TRAM1: variants seen among roughly 807,000 people sequenced by gnomAD.
The protein encoded by TRAM1 is translocation associated membrane protein 1.
TRAM1 carries 17 observed loss-of-function variants against 48.7 expected under a neutral mutation model. That is an observed-to-expected ratio of 0.35 (90% CI 0.24 to 0.52). The LOEUF (loss-of-function observed/expected upper bound fraction) is 0.52. Ranked by LOEUF, TRAM1 falls within the 20% of genes least tolerant of loss-of-function variation. The pLI, the probability that TRAM1 is intolerant of heterozygous loss-of-function variation, is 0.94. For synonymous variants in TRAM1, 182 were observed against 154.0 expected, an observed-to-expected ratio of 1.18 and a Z score of -1.34; for missense variants, 351 against 441.5, an observed-to-expected ratio of 0.79 and a Z score of 1.84.
In TRAM1 at chr8:70,586,867, C is replaced by T. The variant is rs200752264; in HGVS notation, c.746+28G>A. 6.0e-5 allele frequency: 95 copies of T among 1,585,222 alleles called. No individual in the cohort carries two copies. In the Admixed American group the frequency reaches 6.4e-4, roughly 11 times the overall value. On this transcript the variant is annotated intron_variant, in intron 8 of 10. Transcript: ENST00000262213. ...GCACTGACTTTAAATACCTAGTACA[C>T]GAGAAATAGAATGGCTAAACAACTT...
intron 1 of TRAM1, among the ~76,000 whole-genome samples, chr8:70,603,413 CTTTG>C (rs1189971235): frequency 2.0e-5 from 3 of 152,064 alleles, no homozygotes; most frequent in African/African-American, 7.2e-5. Context: ...CCTAAGAACA[CTTTG>C]TTAAAGAGTC....
intron 10 of TRAM1, among the ~76,000 whole-genome samples, chr8:70,579,101 C>G (rs1817020730): frequency 6.6e-6 from 1 of 152,222 alleles, no homozygotes; most frequent in South Asian, 2.1e-4. Flanking sequence ...AGTCATGCAT[C>G]ACTTAACAGG....
intron 10 of TRAM1, among the ~76,000 whole-genome samples, chr8:70,579,657 T>C (rs1283139052): frequency 6.6e-6 from 1 of 152,196 alleles, no homozygotes; most frequent in Admixed American, 6.5e-5. Flanking sequence ...AGAAAAAGCA[T>C]TTCTTAACAT....
chr8:70,581,277 GAAC>G (rs1728886783), intron 10 of TRAM1, among the ~76,000 whole-genome samples: 1 of 152,084 alleles, frequency 6.6e-6, no homozygotes, highest in African/African-American at 2.4e-5. Flanking sequence ...ACATAAAATA[GAAC>G]AACAACAATG....
At chr8:70,583,518 G>A (rs1406660855) in intron 9 of TRAM1, 132 bp downstream of exon 9, 2 of 1,347,298 alleles carry the variant, frequency 1.5e-6, no homozygotes, top group Non-Finnish European at 2.0e-6. Context: ...ATAGCAACGG[G>A]TATGAAATAA....
chr8:70,584,160 A>G (rs183146189), intron 8 of TRAM1, among the ~76,000 whole-genome samples: 194 of 152,318 alleles, frequency 1.3e-3, no homozygotes, highest in African/African-American at 4.2e-3. Context: ...TATAACACAT[A>G]TTAGCCTATT....
At chr8:70,588,084 T>C (rs2132032625) in intron 6 of TRAM1, among the ~76,000 whole-genome samples, 1 of 152,150 alleles carries the variant, frequency 6.6e-6, no homozygotes, top group Middle Eastern at 3.4e-3. Context: ...CGTGGTGGTA[T>C]GCAACTGTAG....
intron 5 of TRAM1, among the ~76,000 whole-genome samples, chr8:70,595,254 CCTT>C (rs926068805): frequency 5.3e-5 from 8 of 151,906 alleles, no homozygotes; most frequent in South Asian, 4.2e-4. Context: ...TCTCCCTGCT[CCTT>C]CTCCTCCAGA....
chr8:70,594,677 T>C (rs1336492572), intron 5 of TRAM1, 87 bp from the exon 6 acceptor site: 3 of 1,014,720 alleles, frequency 3.0e-6, no homozygotes, highest in Non-Finnish European at 4.3e-6. Flanking sequence ...CAGGATATAC[T>C]AAGTAACTAC....
rs75232558 is a variant in TRAM1, at chr8:70,601,593, T to G, written c.124-1511A>C. On this transcript the variant is annotated intron_variant, in intron 1 of 10. Coordinates refer to ENST00000262213, the MANE Select transcript of TRAM1 (RefSeq NM_014294.6). ...TTTCAGAGCCCAGCATGGGGCCTGG[T>G]ACATATTAGGTAATTAATCAATATC... Among the ~76,000 whole-genome samples, 1,111 of 152,354 alleles carry G rather than the reference T, an allele frequency of 7.3e-3. 9 individuals are homozygous for G. Among genetic ancestry groups the G allele is most frequent in the Non-Finnish European group, 0.013 (855 of 68,038 alleles).
Position 70,608,163 on chromosome 8 carries a change from C to T in TRAM1, c.37G>A (p.Val13Met). 1 of 1,595,102 alleles carries T rather than the reference C, an allele frequency of 6.3e-7. No individual in the cohort carries two copies. The highest frequency in any genetic ancestry group is 1.7e-5 in the Admixed American group (1 of 57,864). Reference protein sequence around the residue: ...IRKKSTKSPPVLSHEFVLQNH... With the variant: ...IRKKSTKSPPMLSHEFVLQNH... ...TGCAGGACGAATTCGTGGCTCAGCA[C>T]TGGGGGGCTCTTGGTGCTTTTCTTG... The change falls in exon 1 of 11, where the codon GTG becomes ATG. Residue 13 changes from valine to methionine, a missense_variant. Transcript: ENST00000262213.
intron 1 of TRAM1, among the ~76,000 whole-genome samples, chr8:70,605,645 A>ACCTAG (rs1286182060): frequency 1.6e-4 from 24 of 152,206 alleles, no homozygotes; most frequent in Non-Finnish European, 3.2e-4. Flanking sequence ...AGCAAAACTA[A>ACCTAG]CCTAGTCTAC....
At chr8:70,607,983 C>A in intron 1 of TRAM1, 94 bp downstream of exon 1, 3 of 1,417,150 alleles carry the variant, frequency 2.1e-6, no homozygotes, top group Non-Finnish European at 2.8e-6. Context: ...CCGAGCCCCC[C>A]GCGTCCTGGG....
In TRAM1 at chr8:70,574,039, T is replaced by TGTCA. The variant is rs1162420994; in HGVS notation, c.*889_*892dup. The TGTCA allele has an allele frequency of 4.8e-6, 1 of 209,158 alleles. No homozygotes were observed. The highest frequency in any genetic ancestry group is 9.7e-6 in the Non-Finnish European group (1 of 102,644). The allele number at this position is 209,158 out of a possible 1,614,324, so 13.0% of individuals were successfully genotyped here. A position where few individuals can be genotyped will look rare whatever the true frequency, so the allele number is the denominator to read the frequency against. On this transcript the variant is annotated 3_prime_UTR_variant, in exon 11 of 11. Transcript: ENST00000262213. ...TAAATGTTTTCCAAATATAATTACC[T>TGTCA]GTCAGTCTTTTTATAGATATAAATC...
At chr8:70,591,025 G>A (rs1817347145) in intron 6 of TRAM1, among the ~76,000 whole-genome samples, 1 of 151,722 alleles carries the variant, frequency 6.6e-6, no homozygotes, top group African/African-American at 2.4e-5. Context: ...AAAAAGAGAT[G>A]AGTAGAATAC....
In TRAM1 at chr8:70,597,819, C is replaced by T. The variant is rs1817523413; in HGVS notation, c.426+76G>A. ...ACAGATTTATCACTGAAACTCTTAA[C>T]TTAATACTATTTCATTAGCAGAGTT... On this transcript the variant is annotated intron_variant, in intron 4 of 10. Coordinates refer to ENST00000262213, the MANE Select transcript of TRAM1 (RefSeq NM_014294.6). 5 of 1,127,750 alleles carry T rather than the reference C, an allele frequency of 4.4e-6. No homozygotes were observed. In the South Asian group the frequency reaches 5.4e-5, roughly 12 times the overall value. The allele number at this position is 1,127,750 out of a possible 1,614,324, so 69.9% of individuals were successfully genotyped here.
At chr8:70,577,921 C>A (rs933529825) in intron 10 of TRAM1, among the ~76,000 whole-genome samples, 9 of 152,250 alleles carry the variant, frequency 5.9e-5, no homozygotes, top group Non-Finnish European at 1.5e-5. Flanking sequence ...ACAGAGCCAG[C>A]ACCTGCTGGT....
intron 8 of TRAM1, among the ~76,000 whole-genome samples, chr8:70,585,357 T>C (rs1300712571): frequency 6.6e-6 from 1 of 152,026 alleles, no homozygotes; most frequent in Admixed American, 6.6e-5. Context: ...ATTCAGGACA[T>C]AGGCATGGGC....
intron 2 of TRAM1, 141 bp from the exon 3 acceptor site, chr8:70,598,396 G>C (rs1817536316): frequency 1.4e-6 from 1 of 702,136 alleles, no homozygotes. Flanking sequence ...ACGTGGTCTT[G>C]GACATCTTGA....
Sources: allele counts gnomAD v4.1 joint callset (sites outside exome capture counted in the v4.1 genomes callset), GRCh38; gene constraint gnomAD v4.1.1; transcripts MANE v1.5; gene names NCBI Gene and HGNC (gene_info 2026-07-23, HGNC 2026-07-21).